The following SDK2 variants were observed in gnomAD, a reference collection of about 807,000 sequenced individuals.
The protein encoded by SDK2 is sidekick cell adhesion molecule 2.
Under a neutral mutation model 253.9 loss-of-function variants are expected in SDK2, and 105 were observed. That is an observed-to-expected ratio of 0.41 (90% confidence interval 0.35 to 0.49). SDK2 has a LOEUF of 0.49. Ranked by LOEUF, SDK2 falls within the 20% of genes least tolerant of loss-of-function variation. The pLI is 0.06. For missense variants in SDK2, 2,608 were observed against 3,003.0 expected, an observed-to-expected ratio of 0.87 and a Z score of 3.07; for synonymous variants, 1,249 against 1,234.9, an observed-to-expected ratio of 1.01 and a Z score of -0.24.
Position 73,336,195 on chromosome 17 carries a change from AAAGAT to A in SDK2, c.*2387_*2391del, listed in dbSNP as rs1189895665. On this transcript the variant is annotated 3_prime_UTR_variant, in exon 45 of 45. Coordinates refer to ENST00000392650, the MANE Select transcript of SDK2 (RefSeq NM_001144952.2). ...AGTTATTTAAAAAAAAAAAAAAAAA[AAAGAT>A]GAGAGGAAAGAAAAGAAAGCTGTGC... 7 of 151,756 alleles carry A rather than the reference AAAGAT, an allele frequency of 4.6e-5. No homozygotes were observed. The highest frequency in any genetic ancestry group is 1.0e-4 in the Non-Finnish European group (7 of 67,926). The allele number at this position is 151,756 out of a possible 1,614,324, so 9.4% of individuals were successfully genotyped here.
At chr17:73,471,659 G>A (rs1468719524) in intron 3 of SDK2, among the ~76,000 whole-genome samples, 1 of 152,260 alleles carries the variant, frequency 6.6e-6, no homozygotes, top group East Asian at 1.9e-4. Context: ...TGAGAAGAGG[G>A]TTGTAGCTGG....
At chr17:73,544,782 A>G (rs1386102445) in intron 1 of SDK2, among the ~76,000 whole-genome samples, 1 of 152,140 alleles carries the variant, frequency 6.6e-6, no homozygotes, top group Non-Finnish European at 1.5e-5. Context: ...GACACTTTTG[A>G]GGGGAACAAG....
At chr17:73,482,571 G>A (rs1214696485) in intron 2 of SDK2, among the ~76,000 whole-genome samples, 4 of 152,258 alleles carry the variant, frequency 2.6e-5, no homozygotes, top group African/African-American at 7.2e-5. Flanking sequence ...CCGCTATCCC[G>A]GTGACAGCTC....
intron 18 of SDK2, among the ~76,000 whole-genome samples, chr17:73,406,287 A>G (rs1290927820): frequency 7.0e-6 from 1 of 142,852 alleles, no homozygotes; most frequent in Non-Finnish European, 1.5e-5. Context: ...TCTGTTGCCT[A>G]GGCTAGGGTG....
At position 73,599,054 on chromosome 17, in the gene SDK2, G is replaced by C. The variant is rs894055229; in HGVS notation, c.64+44971C>G. 3.3e-5 allele frequency among the ~76,000 whole-genome samples: 5 copies of C among 152,202 alleles called. No homozygotes were observed. The East Asian group carries it at 9.6e-4, about 29-fold the overall frequency. On this transcript the variant is annotated intron_variant, in intron 1 of 44. Coordinates refer to ENST00000392650, the MANE Select transcript of SDK2 (RefSeq NM_001144952.2). ...GAGTGGAAAATGTAGCATCCCCCTA[G>C]AAAGAGTTACCCCTTTTCTTGTTTT...
intron 1 of SDK2, among the ~76,000 whole-genome samples, chr17:73,630,945 C>A (rs1171382895): frequency 1.3e-5 from 2 of 152,068 alleles, no homozygotes; most frequent in Non-Finnish European, 1.5e-5. Context: ...GGTTCTTCGT[C>A]CACCAGGGCC....
chr17:73,556,677 C>T (rs747048582), intron 1 of SDK2, among the ~76,000 whole-genome samples: 7 of 152,176 alleles, frequency 4.6e-5, no homozygotes, highest in South Asian at 2.1e-4. Context: ...AACCTGTTTC[C>T]GGTTTTGAAA....
chr17:73,638,976 A>AT (rs1057307180), intron 1 of SDK2, among the ~76,000 whole-genome samples: 15 of 151,686 alleles, frequency 9.9e-5, no homozygotes, highest in Admixed American at 4.6e-4. Context: ...CGCCTGGCTA[A>AT]TTTTTTCATT....
chr17:73,475,971 G>A (rs1028489728), intron 2 of SDK2, among the ~76,000 whole-genome samples: 2 of 152,180 alleles, frequency 1.3e-5, no homozygotes, highest in African/African-American at 4.8e-5. Context: ...AATTAGCCAG[G>A]TGTGGTGGCA....
intron 4 of SDK2, among the ~76,000 whole-genome samples, chr17:73,449,124 T>G (rs2063474127): frequency 6.6e-6 from 1 of 152,128 alleles, no homozygotes. Context: ...AGGCCAGGTC[T>G]TCTGGCAGGG....
At chr17:73,573,280 C>T (rs1428770542) in intron 1 of SDK2, among the ~76,000 whole-genome samples, 1 of 152,180 alleles carries the variant, frequency 6.6e-6, no homozygotes, top group East Asian at 1.9e-4. Flanking sequence ...AATGATGAGT[C>T]TAAGGAGGGT....
intron 29 of SDK2, among the ~76,000 whole-genome samples, chr17:73,388,765 C>T (rs1439157594): frequency 1.4e-5 from 1 of 74,022 alleles, no homozygotes; most frequent in East Asian, 3.4e-4. Flanking sequence ...TCCTTCCTTC[C>T]CTCCCTCTCC....
intron 1 of SDK2, among the ~76,000 whole-genome samples, chr17:73,613,569 C>A (rs9908957): frequency 0.12 from 18,659 of 150,104 alleles, 1,391 homozygotes; most frequent in African/African-American, 0.2. Context: ...TTTCTGAAAT[C>A]GGAGCCACTG....
At chr17:73,626,861 G>A (rs1357299497) in intron 1 of SDK2, among the ~76,000 whole-genome samples, 1 of 152,210 alleles carries the variant, frequency 6.6e-6, no homozygotes, top group Non-Finnish European at 1.5e-5. Flanking sequence ...TTATCCATGA[G>A]CTTGGACCTG....
At chr17:73,365,093 C>T (rs2062672479) in intron 38 of SDK2, among the ~76,000 whole-genome samples, 165 bp downstream of exon 38, 1 of 152,174 alleles carries the variant, frequency 6.6e-6, no homozygotes, top group Non-Finnish European at 1.5e-5. Flanking sequence ...GTTGTTTTAC[C>T]TTGGAAATGC....
At chr17:73,540,174 T>C (rs1240479174) in intron 1 of SDK2, among the ~76,000 whole-genome samples, 1 of 152,124 alleles carries the variant, frequency 6.6e-6, no homozygotes, top group Non-Finnish European at 1.5e-5. Flanking sequence ...CTGTCCCCAC[T>C]GGAAGCTGGA....
At chr17:73,416,588 A>ATTACT (rs1168670414) in intron 16 of SDK2, among the ~76,000 whole-genome samples, 1 of 151,036 alleles carries the variant, frequency 6.6e-6, no homozygotes, top group African/African-American at 2.4e-5. Flanking sequence ...ACACAGAACT[A>ATTACT]TTATTTTATT....
At chr17:73,533,676 GCCCCCCAC>G (rs1398483909) in intron 1 of SDK2, among the ~76,000 whole-genome samples, 4 of 45,724 alleles carry the variant, frequency 8.7e-5, no homozygotes, top group Admixed American at 3.6e-4. Flanking sequence ...CCCTCCCCCA[GCCCCCCAC>G]CCCCCCACCC....
intron 1 of SDK2, among the ~76,000 whole-genome samples, chr17:73,545,878 C>T (rs1184032328): frequency 6.6e-6 from 1 of 152,174 alleles, no homozygotes; most frequent in Admixed American, 6.5e-5. Context: ...GGGTCAGTTC[C>T]TCCTCTGCCT....
Sources: gnomAD v4.1 joint callset for allele counts (sites outside exome capture counted in the v4.1 genomes callset) on GRCh38, gnomAD v4.1.1 for gene constraint, MANE v1.5 for transcripts, NCBI Gene and HGNC (gene_info 2026-07-23, HGNC 2026-07-21) for gene names.